Variants in MBTD1 observed in about 807,000 individuals in gnomAD.
MBTD1 encodes the protein mbt domain containing 1, also known as MBT domain-containing protein 1.
A neutral mutation model predicts 87.8 loss-of-function variants in MBTD1; 24 were observed. That is an observed-to-expected ratio of 0.27 (90% CI 0.20 to 0.38). The LOEUF is 0.38. Among genes scored for constraint, MBTD1 ranks in the 10% least tolerant of loss-of-function variants. The pLI, the probability that MBTD1 is intolerant of heterozygous loss-of-function variation, is 1.00. For missense variants in MBTD1, 436 were observed against 760.2 expected, an observed-to-expected ratio of 0.57 and a Z score of 5.02; for synonymous variants, 237 against 248.6, an observed-to-expected ratio of 0.95 and a Z score of 0.44.
chr17:51,191,868 A>G (rs1397335950), intron 16 of MBTD1: 1 of 245,098 alleles, frequency 4.1e-6, no homozygotes. Flanking sequence ...GGCGTGAGCC[A>G]CTGCACCTGG....
chr17:51,260,596 G>C (rs762560099), upstream of MBTD1: 1 of 1,612,446 alleles, frequency 6.2e-7, no homozygotes, highest in Non-Finnish European at 8.5e-7. Flanking sequence ...TGCCGCCGGA[G>C]CGGAGGAGAC....
rs2050231913 is a variant in MBTD1, at chr17:51,179,532, ATATATGGAAT to A, written c.*1034_*1043del. 9.9e-6 allele frequency: 1 copy of A among 100,706 alleles called. No homozygotes were observed. Among genetic ancestry groups the A allele is most frequent in the Non-Finnish European group, 2.1e-5 (1 of 46,702 alleles). The allele number at this position is 100,706 out of a possible 1,614,324, so 6.2% of individuals were successfully genotyped here. On this transcript the variant is annotated 3_prime_UTR_variant, in exon 17 of 17. Transcript: ENST00000586178. ...TATATATATATATATATATATATAT[ATATATGGAAT>A]TTTAAGAAAATTAAATTCTCTTTCA...
chr17:51,250,761 G>C (rs1309525651), intron 2 of MBTD1: 1 of 152,170 alleles, frequency 6.6e-6, no homozygotes, highest in East Asian at 1.9e-4. Flanking sequence ...AAGTTTTCTT[G>C]GATTATAGTT....
chr17:51,198,946 G>A (rs1298406532), intron 12 of MBTD1, among the ~76,000 whole-genome samples: 1 of 152,082 alleles, frequency 6.6e-6, no homozygotes, highest in Admixed American at 6.5e-5. Context: ...GGGATTATAG[G>A]TACACACCAC....
rs143306336 is a variant in MBTD1 at position 51,259,991 on chromosome 17, G to A, written c.-269C>T. On this transcript the variant is annotated 5_prime_UTR_variant, in exon 1 of 17. Coordinates refer to ENST00000586178, the MANE Select transcript of MBTD1 (RefSeq NM_017643.3). Reference sequence around the variant, plus strand: ...GGCTGGGCCCAGACCGGTGGCGGGTGCAGCAGCCCCCGGATTTCCCCCCTT... The same window carrying A: ...GGCTGGGCCCAGACCGGTGGCGGGTACAGCAGCCCCCGGATTTCCCCCCTT... 1,635 of 662,080 alleles carry A rather than the reference G, an allele frequency of 2.5e-3. 27 individuals are homozygous for A. The African/African-American group carries it at 0.028, about 11-fold the overall frequency. 41.0% of individuals were successfully genotyped at this position (662,080 alleles called of 1,614,324 possible). A position where few individuals can be genotyped will look rare whatever the true frequency, so the allele number is the denominator to read the frequency against.
chr17:51,246,905 G>A (rs2054470321), intron 2 of MBTD1, among the ~76,000 whole-genome samples: 1 of 152,036 alleles, frequency 6.6e-6, no homozygotes, highest in Admixed American at 6.6e-5. Context: ...CTCCCAAAGT[G>A]CTGGGATTAC....
intron 3 of MBTD1, among the ~76,000 whole-genome samples, chr17:51,223,026 G>A (rs527473729): frequency 2.0e-5 from 3 of 151,410 alleles, no homozygotes; most frequent in East Asian, 2.0e-4. Flanking sequence ...GGATGGTCTC[G>A]ATTTCTTGAC....
At chr17:51,260,918 G>C (rs1396710788), upstream of MBTD1, 4 of 1,577,696 alleles carry the variant, frequency 2.5e-6, no homozygotes, top group East Asian at 4.8e-5. Flanking sequence ...GCGTCTGCGA[G>C]GCCCGAGGGT....
At chr17:51,229,610 T>C (rs2053437028) in intron 2 of MBTD1, among the ~76,000 whole-genome samples, 2 of 151,816 alleles carry the variant, frequency 1.3e-5, no homozygotes, top group African/African-American at 4.8e-5. Context: ...CCTTGGGAGG[T>C]TATATACACG....
intron 2 of MBTD1, among the ~76,000 whole-genome samples, chr17:51,243,845 A>G (rs1461885833): frequency 6.6e-6 from 1 of 152,122 alleles, no homozygotes; most frequent in Non-Finnish European, 1.5e-5. Context: ...TTTTTGAAGA[A>G]TGCAAGCAAG....
chr17:51,192,591 G>T, intron 15 of MBTD1, 191 bp downstream of exon 15: 1 of 955,472 alleles, frequency 1.0e-6, no homozygotes, highest in Non-Finnish European at 1.5e-6. Flanking sequence ...ATTGACTATT[G>T]GATTCACATT....
intron 2 of MBTD1, among the ~76,000 whole-genome samples, chr17:51,257,776 T>G (rs1357744782): frequency 6.6e-6 from 1 of 152,186 alleles, no homozygotes; most frequent in Admixed American, 6.5e-5. Flanking sequence ...CTCTACTGAT[T>G]CTTTTTCACA....
Position 51,216,382 on chromosome 17 carries a change from A to C in MBTD1, c.486+952T>G, listed in dbSNP as rs1022387395. 2.0e-5 allele frequency among the ~76,000 whole-genome samples: 3 copies of C among 152,372 alleles called. 1 individual carries two copies. The highest frequency in any genetic ancestry group is 7.2e-5 in the African/African-American group (3 of 41,594). On this transcript the variant is annotated intron_variant, in intron 6 of 16. Transcript: ENST00000586178. The stretch of plus-strand genomic sequence containing the variant: ...GGTTAAACAAGTATTGGACAGAATT[A>C]ATCAAATCTAAAGGAATAAAATAAT...
In MBTD1 at chr17:51,178,695, G is replaced by A. The variant is rs1598261209; in HGVS notation, c.*1881C>T. The A allele has an allele frequency of 6.6e-6, 1 of 152,082 alleles. No individual in the cohort carries two copies. Among genetic ancestry groups the A allele is most frequent in the East Asian group, 1.9e-4 (1 of 5,198 alleles). 9.4% of individuals were successfully genotyped at this position (152,082 alleles called of 1,614,324 possible). On this transcript the variant is annotated 3_prime_UTR_variant, in exon 17 of 17. Transcript: ENST00000586178. ...TTAAAGATATGGGAAGTGTGAGGAT[G>A]TCACATTTACAGTAGGTCCCTCTCA... is the stretch of plus-strand genomic sequence containing the variant.
intron 2 of MBTD1, among the ~76,000 whole-genome samples, chr17:51,253,195 A>T (rs1022432320): frequency 6.6e-6 from 1 of 152,218 alleles, no homozygotes; most frequent in Non-Finnish European, 1.5e-5. Context: ...TGGGAAAAAC[A>T]GTGCTCATAT....
At chr17:51,183,630 C>G (rs2050413446) in intron 16 of MBTD1, 1 of 152,160 alleles carries the variant, frequency 6.6e-6, no homozygotes, top group African/African-American at 2.4e-5. Context: ...TCAGACTGTT[C>G]AAAGGTACAG....
chr17:51,181,021 CTT>C (rs57226972), intron 16 of MBTD1, among the ~76,000 whole-genome samples: 51,334 of 121,200 alleles, frequency 0.42, 8,655 homozygotes, highest in African/African-American at 0.47. Context: ...GAAGTACAAT[CTT>C]TTTTTTTTTT....
At chr17:51,217,290 A>G in intron 6 of MBTD1, 44 bp downstream of exon 6, 1 of 1,145,454 alleles carries the variant, frequency 8.7e-7, no homozygotes, top group Non-Finnish European at 1.3e-6. Flanking sequence ...AGATTTAAAC[A>G]ATGACTAAGT....
chr17:51,257,421 AAT>A lies in MBTD1; in HGVS notation c.-49+1720_-49+1721del, dbSNP rs201731736. Among the ~76,000 whole-genome samples the A allele has an allele frequency of 6.4e-3, 981 of 152,340 alleles. 14 individuals carry two copies. Among genetic ancestry groups the A allele is most frequent in the African/African-American group, 0.023 (940 of 41,574 alleles). On this transcript the variant is annotated intron_variant, in intron 2 of 16. Transcript: ENST00000586178. ...AATTCAGTGGTTTAGTATTTATCCTAATATGTTGTTTTCACTTTTAAACTATA... is the reference window on the plus strand; with the variant it reads ...AATTCAGTGGTTTAGTATTTATCCTAATGTTGTTTTCACTTTTAAACTATA...
Sources: gnomAD v4.1 joint callset for allele counts (sites outside exome capture counted in the v4.1 genomes callset) on GRCh38, gnomAD v4.1.1 for gene constraint, MANE v1.5 for transcripts, NCBI Gene and HGNC (gene_info 2026-07-23, HGNC 2026-07-21) for gene names.